PDE10A: variants seen among roughly 807,000 people sequenced by gnomAD.
PDE10A encodes cAMP and cAMP-inhibited cGMP 3',5'-cyclic phosphodiesterase 10A.
Under a neutral mutation model 97.7 loss-of-function variants are expected in PDE10A, and 39 were observed. The ratio of observed to expected loss-of-function variants is 0.40; its 90% CI spans 0.31 to 0.52. PDE10A has a LOEUF of 0.52. Among genes scored for constraint, PDE10A ranks in the 20% least tolerant of loss-of-function variants. PDE10A has a pLI of 0.56. For missense variants in PDE10A, 731 were observed against 1,047.8 expected, an observed-to-expected ratio of 0.70 and a Z score of 4.17; for synonymous variants, 371 against 376.8, an observed-to-expected ratio of 0.98 and a Z score of 0.18.
Position 165,331,049 on chromosome 6 carries a change from T to C in PDE10A, c.*1976A>G, listed in dbSNP as rs1583047774. Reference sequence around the variant, plus strand: ...TTCTTAAAGAATGGGAGAATGGGGCTGATTTATATTTTTTCCTACATGTTT... The same window carrying C: ...TTCTTAAAGAATGGGAGAATGGGGCCGATTTATATTTTTTCCTACATGTTT... On this transcript the variant is annotated 3_prime_UTR_variant, in exon 22 of 22. Coordinates refer to ENST00000539869, the MANE Select transcript of PDE10A (RefSeq NM_001385079.1). 1 of 152,200 alleles carries C rather than the reference T, an allele frequency of 6.6e-6. No homozygotes were observed. Among genetic ancestry groups the C allele is most frequent in the East Asian group, 1.9e-4 (1 of 5,200 alleles). 9.4% of individuals were successfully genotyped at this position (152,200 alleles called of 1,614,324 possible).
intron 2 of PDE10A, among the ~76,000 whole-genome samples, chr6:165,485,351 C>A (rs1779843622): frequency 1.3e-5 from 2 of 151,484 alleles, no homozygotes; most frequent in Admixed American, 1.3e-4. Context: ...GCCTGTAATC[C>A]CAGCTACTCT....
chr6:165,624,600 T>A (rs535257939), intron 1 of PDE10A, among the ~76,000 whole-genome samples: 1 of 152,312 alleles, frequency 6.6e-6, no homozygotes, highest in East Asian at 1.9e-4. Context: ...ATTCCCACGT[T>A]AGGAGTTTTA....
chr6:165,664,429 C>T (rs1213186322), upstream of PDE10A, among the ~76,000 whole-genome samples: 1 of 152,176 alleles, frequency 6.6e-6, no homozygotes, highest in Admixed American at 6.5e-5. Flanking sequence ...CATGCTGGGG[C>T]TCCCCTCCCC....
intron 2 of PDE10A, among the ~76,000 whole-genome samples, chr6:165,538,842 TACAG>T (rs2128319880): frequency 6.6e-6 from 1 of 152,302 alleles, no homozygotes; most frequent in African/African-American, 2.4e-5. Flanking sequence ...TTTGTACAAA[TACAG>T]ACGTGTAAAT....
chr6:165,656,375 G>A (rs1450222034), intron 1 of PDE10A, among the ~76,000 whole-genome samples: 1 of 150,428 alleles, frequency 6.6e-6, no homozygotes, highest in East Asian at 2.0e-4. Flanking sequence ...ACTATTAACT[G>A]CTACCTCCTG....
intron 1 of PDE10A, among the ~76,000 whole-genome samples, chr6:165,763,425 C>T (rs759411406): frequency 5.2e-4 from 79 of 151,984 alleles, no homozygotes; most frequent in Non-Finnish European, 9.0e-4. Context: ...CGGGTTCAAG[C>T]GATTCTCGTG....
At chr6:165,912,112 A>G (rs1321300175) in intron 1 of PDE10A, among the ~76,000 whole-genome samples, 1 of 151,660 alleles carries the variant, frequency 6.6e-6, no homozygotes, top group African/African-American at 2.4e-5. Flanking sequence ...ATTATTTATC[A>G]TCTATCTGTC....
chr6:165,701,802 T>G (rs986243331), intron 1 of PDE10A, among the ~76,000 whole-genome samples: 1 of 152,100 alleles, frequency 6.6e-6, no homozygotes, highest in Non-Finnish European at 1.5e-5. Flanking sequence ...TGTGTGTGTG[T>G]GTTTGCATTT....
rs577152600 is a variant in PDE10A, at chr6:165,811,772, C to G, written c.-615+175757G>C. Among the ~76,000 whole-genome samples the G allele has an allele frequency of 2.0e-5, 3 of 152,392 alleles. No homozygotes were observed. In the East Asian group the frequency reaches 5.8e-4, roughly 29 times the overall value. The stretch of plus-strand genomic sequence containing the variant: ...AATGATCTGGTGTATCACTCCCTCA[C>G]CACTTCCGTTGACTCATTTATTTTA... On this transcript the variant is annotated intron_variant, in intron 1 of 19. Transcript: ENST00000366882.
intron 1 of PDE10A, among the ~76,000 whole-genome samples, chr6:165,943,222 A>AAGGAAGGAAGGAAG (rs1562809695): frequency 1.5e-4 from 10 of 64,716 alleles, no homozygotes; most frequent in Non-Finnish European, 2.9e-4. Flanking sequence ...AAAGAAAGAA[A>AAGGAAGGAAGGAAG]GAAAGAAAGA....
In PDE10A at chr6:165,612,279, A is replaced by G. The variant is rs1039131037; in HGVS notation, c.865+49668T>C. On this transcript the variant is annotated intron_variant, in intron 1 of 21. Transcript: ENST00000539869. ...TTCTTTCATTCCCTTCCCCAACCCAACAAAATATAAGCAAACATCAGGAAT... is the reference window on the plus strand; with the variant it reads ...TTCTTTCATTCCCTTCCCCAACCCAGCAAAATATAAGCAAACATCAGGAAT... 2.6e-5 allele frequency among the ~76,000 whole-genome samples: 4 copies of G among 152,188 alleles called. No homozygotes were observed. In the South Asian group the frequency reaches 8.3e-4, roughly 32 times the overall value.
At chr6:165,619,182 G>A (rs1035775090) in intron 1 of PDE10A, among the ~76,000 whole-genome samples, 4 of 136,390 alleles carry the variant, frequency 2.9e-5, no homozygotes, top group Non-Finnish European at 6.2e-5. Flanking sequence ...GTCTAGTGTA[G>A]TGTAGTCTAG....
rs554165536 is a variant in PDE10A at position 165,348,157 on chromosome 6, TAAC to T, written c.2784-4658_2784-4656del. Among the ~76,000 whole-genome samples the T allele has an allele frequency of 8.5e-5, 13 of 152,256 alleles. 1 individual carries two copies. The South Asian group carries it at 1.2e-3, about 15-fold the overall frequency. ...AATAAACATTTTCATTTTAGAAAGA[TAAC>T]AAAAATAAGAGAAATTATGATTTTT... is the stretch of plus-strand genomic sequence containing the variant. On this transcript the variant is annotated intron_variant, in intron 18 of 21. Coordinates refer to ENST00000539869, the MANE Select transcript of PDE10A (RefSeq NM_001385079.1).
At chr6:165,865,822 T>C (rs1426076019) in intron 1 of PDE10A, among the ~76,000 whole-genome samples, 1 of 151,384 alleles carries the variant, frequency 6.6e-6, no homozygotes. Flanking sequence ...ATTTTGGGAG[T>C]TCCACAAGAA....
At chr6:165,847,342 G>A (rs1256183114) in intron 1 of PDE10A, among the ~76,000 whole-genome samples, 1 of 152,220 alleles carries the variant, frequency 6.6e-6, no homozygotes, top group Admixed American at 6.5e-5. Context: ...CACGCAAGCG[G>A]CTATATGTTA....
At chr6:165,984,145 T>A (rs541970255) in intron 1 of PDE10A, among the ~76,000 whole-genome samples, 1 of 152,162 alleles carries the variant, frequency 6.6e-6, no homozygotes, top group Non-Finnish European at 1.5e-5. Flanking sequence ...TATAATAAAA[T>A]CTTTAGACAT....
chr6:165,734,039 G>T (rs1337469543), intron 1 of PDE10A, among the ~76,000 whole-genome samples: 2 of 152,214 alleles, frequency 1.3e-5, no homozygotes, highest in African/African-American at 4.8e-5. Context: ...CTGAGCAGCT[G>T]CCTGGAACCA....
intron 1 of PDE10A, among the ~76,000 whole-genome samples, chr6:165,694,595 C>G (rs1791396074): frequency 6.6e-6 from 1 of 152,258 alleles, no homozygotes; most frequent in Non-Finnish European, 1.5e-5. Context: ...TCTCTGCTAC[C>G]TGAGCTGAGC....
chr6:165,474,787 G>C (rs759576550), intron 3 of PDE10A, among the ~76,000 whole-genome samples: 2 of 152,056 alleles, frequency 1.3e-5, no homozygotes, highest in African/African-American at 4.8e-5. Flanking sequence ...AATTTTTAAT[G>C]ACATTACTAT....
Sources: allele counts gnomAD v4.1 joint callset (sites outside exome capture counted in the v4.1 genomes callset), GRCh38; gene constraint gnomAD v4.1.1; transcripts MANE v1.5; gene names NCBI Gene and HGNC (gene_info 2026-07-23, HGNC 2026-07-21).